TSEN54: variants seen among roughly 807,000 people sequenced by gnomAD.
TSEN54 encodes tRNA-splicing endonuclease subunit Sen54.
Under a neutral mutation model 61.9 loss-of-function variants are expected in TSEN54, and 55 were observed. That is an observed-to-expected ratio of 0.89 (90% CI 0.72 to 1.11). The LOEUF (loss-of-function observed/expected upper bound fraction) is 1.11. Ranked by LOEUF, TSEN54 falls within the 50% of genes most tolerant of loss-of-function variation. The pLI, the probability that TSEN54 is intolerant of heterozygous loss-of-function variation, is 0.00. For synonymous variants in TSEN54, 304 were observed against 288.7 expected (o/e 1.05, Z -0.54); for missense variants, 760 against 687.7 (o/e 1.11, Z -1.18).
Position 75,516,598 on chromosome 17 carries a change from C to T in TSEN54, c.38C>T (p.Pro13Leu). Residue 13 changes from proline (P) to leucine (L), a missense_variant, in exon 1 of 11, where the codon CCC becomes CTC. Transcript: ENST00000333213. ...CCCGAGCCCGCGGCCGTGGAGGTTC[C>T]CGCGGGGCGCGTGCTCAGGTGCGGC... Reference protein sequence around the residue: ...PEPEPAAVEVPAGRVLSAREL... With the variant: ...PEPEPAAVEVLAGRVLSAREL... 2.6e-6 allele frequency: 3 copies of T among 1,169,446 alleles called. No homozygotes were observed. The highest frequency in any genetic ancestry group is 3.2e-6 in the Non-Finnish European group (3 of 949,068). The allele number at this position is 1,169,446 out of a possible 1,614,324, so 72.4% of individuals were successfully genotyped here.
At position 75,516,548 on chromosome 17, in the gene TSEN54, AGGC is replaced by A. The variant is rs1167332384; in HGVS notation, c.-4_-2del. The stretch of plus-strand genomic sequence containing the variant: ...GGGGCGTGGCGGCGCGCGCAGCGGC[AGGC>A]GGCGGCGGGATGGAGCCCGAGCCCG... On this transcript the variant is annotated 5_prime_UTR_variant, in exon 1 of 11. Coordinates refer to ENST00000333213, the MANE Select transcript of TSEN54 (RefSeq NM_207346.3). 4 of 1,121,926 alleles carry A rather than the reference AGGC, an allele frequency of 3.6e-6. No individual in the cohort carries two copies. The highest frequency in any genetic ancestry group is 5.1e-5 in the East Asian group (1 of 19,658). 69.5% of individuals were successfully genotyped at this position (1,121,926 alleles called of 1,614,324 possible). A position where few individuals can be genotyped will look rare whatever the true frequency, so the allele number is the denominator to read the frequency against.
chr17:75,517,502 C>A, intron 4 of TSEN54, 55 bp from the exon 5 acceptor site: 1 of 1,503,160 alleles, frequency 6.7e-7, no homozygotes, highest in Non-Finnish European at 9.3e-7. Context: ...TTGCCCCATT[C>A]CTCTGTGGCA....
intron 8 of TSEN54, chr17:75,523,036 G>A (rs868386367): frequency 1.1e-4 from 55 of 507,136 alleles, no homozygotes; most frequent in Middle Eastern, 5.2e-4. Context: ...AAAATTAGCC[G>A]GGTGTGGTGG....
At chr17:75,518,532 G>T (rs777350534) in intron 5 of TSEN54, 5 of 985,292 alleles carry the variant, frequency 5.1e-6, no homozygotes, top group Admixed American at 1.2e-4. Context: ...TCTTATCTAT[G>T]TTCCTCTGAT....
chr17:75,518,544 T>C (rs1352149884), intron 5 of TSEN54: 3 of 985,318 alleles, frequency 3.0e-6, no homozygotes, highest in East Asian at 1.1e-4. Context: ...TCCTCTGATA[T>C]GAATGCAGGG....
At chr17:75,518,074 A>T (rs1243064849) in intron 5 of TSEN54, among the ~76,000 whole-genome samples, 1 of 152,214 alleles carries the variant, frequency 6.6e-6, no homozygotes, top group Non-Finnish European at 1.5e-5. Flanking sequence ...GCACCAGTGG[A>T]TGAAGGTGCT....
chr17:75,524,675 T>A lies in TSEN54; in HGVS notation c.*263T>A. The stretch of plus-strand genomic sequence containing the variant: ...GGCAGAAGAGAGGACTGTGTGCCTT[T>A]AACGAGAGGGTGCCTGCTTCGTGCT... On this transcript the variant is annotated 3_prime_UTR_variant, in exon 11 of 11. Transcript: ENST00000333213. 1 of 571,170 alleles carries A rather than the reference T, an allele frequency of 1.8e-6. No homozygotes were observed. The highest frequency in any genetic ancestry group is 3.2e-6 in the Non-Finnish European group (1 of 317,136). 35.4% of individuals were successfully genotyped at this position (571,170 alleles called of 1,614,324 possible). A position where few individuals can be genotyped will look rare whatever the true frequency, so the allele number is the denominator to read the frequency against.
chr17:75,523,577 T>TG (rs2053455797), intron 9 of TSEN54, 86 bp from the exon 10 acceptor site: 1 of 1,613,468 alleles, frequency 6.2e-7, no homozygotes, highest in East Asian at 2.2e-5. Flanking sequence ...GGCTGCTTCC[T>TG]GGAACTGGTG....
In TSEN54 at chr17:75,521,501, C is replaced by T. The variant is rs1429860173; in HGVS notation, c.614C>T (p.Ser205Phe). The change falls in exon 7 of 11, where the codon TCC becomes TTC. Residue 205 changes from serine to phenylalanine, a missense_variant. Ser to Phe is a radical substitution (Grantham distance 155). This residue lies in a region of TSEN54 where 667 missense variants were observed against 577.8 expected (regional missense o/e 1.15). Coordinates refer to ENST00000333213, the MANE Select transcript of TSEN54 (RefSeq NM_207346.3). Reference protein sequence around the residue: ...DGDGKRKRSSSSPRSINKKAK... With the variant: ...DGDGKRKRSSFSPRSINKKAK... Reference sequence around the variant, plus strand: ...GATGGCAAGAGAAAGAGGAGCAGCTCCAGCCCTCGGTAACTCCCACATCAC... The same window carrying T: ...GATGGCAAGAGAAAGAGGAGCAGCTTCAGCCCTCGGTAACTCCCACATCAC... The T allele has an allele frequency of 3.1e-6, 5 of 1,613,938 alleles. No individual in the cohort carries two copies. The Admixed American group carries it at 6.7e-5, about 22-fold the overall frequency.
chr17:75,517,331 G>C, intron 4 of TSEN54, 87 bp downstream of exon 4: 1 of 1,463,834 alleles, frequency 6.8e-7, no homozygotes, highest in Admixed American at 2.0e-5. Flanking sequence ...CACACAACCC[G>C]GTCTTTAGAG....
At chr17:75,523,102 C>T in intron 8 of TSEN54, 173 bp from the exon 9 acceptor site, 1 of 777,780 alleles carries the variant, frequency 1.3e-6, no homozygotes, top group Non-Finnish European at 2.2e-6. Context: ...TTGCTTGAAC[C>T]TGGGAGGCAG....
At position 75,522,315 on chromosome 17, in the gene TSEN54, G is replaced by GCTC; in HGVS notation, c.1234_1235insCTC (p.Gly412delinsAlaArg). The GCTC allele has an allele frequency of 2.6e-6, 4 of 1,545,598 alleles. No homozygotes were observed. The highest frequency in any genetic ancestry group is 3.5e-6 in the Non-Finnish European group (4 of 1,146,820). On this transcript the variant is annotated protein_altering_variant, in exon 8 of 11. Coordinates refer to ENST00000333213, the MANE Select transcript of TSEN54 (RefSeq NM_207346.3). ...GCCCGTCACCCCGCTGCTGAGTCCT[G>GCTC]GCCAGGCCAGCTCCCCAGGTACCCC...
In TSEN54 at chr17:75,523,743, A is replaced by AC. The variant is rs797046055; in HGVS notation, c.1397dup (p.Gly467TrpfsTer10). ...GCTGTGGCCACATTCCGAAAGAATA[A>AC]CCCTGGCAAACCCTATGCCCGGATG... On this transcript the variant is annotated frameshift_variant, in exon 10 of 11. Transcript: ENST00000333213. LOFTEE classifies it high-confidence loss of function. 6.2e-7 allele frequency: 1 copy of AC among 1,614,058 alleles called. No individual in the cohort carries two copies. Among genetic ancestry groups the AC allele is most frequent in the Non-Finnish European group, 8.5e-7 (1 of 1,179,994 alleles).
chr17:75,519,483 GCAGAGAC>G (rs2053406109), intron 6 of TSEN54, among the ~76,000 whole-genome samples: 1 of 152,234 alleles, frequency 6.6e-6, no homozygotes, highest in Non-Finnish European at 1.5e-5. Flanking sequence ...TTGGTAAAAG[GCAGAGAC>G]CTTCAGACTT....
intron 10 of TSEN54, 78 bp downstream of exon 10, chr17:75,523,857 C>T (rs752802240): frequency 2.0e-5 from 30 of 1,491,932 alleles, no homozygotes; most frequent in Non-Finnish European, 2.7e-5. Context: ...CCTCTGTACT[C>T]CCCTGGCCAG....
chr17:75,520,579 C>CTA (rs1375860891), intron 6 of TSEN54, among the ~76,000 whole-genome samples: 1 of 94,888 alleles, frequency 1.1e-5, no homozygotes, highest in South Asian at 3.0e-4. Context: ...AAGCGAAACT[C>CTA]TATCTCAAAA....
chr17:75,517,467 A>G, intron 4 of TSEN54, 90 bp from the exon 5 acceptor site: 2 of 1,247,120 alleles, frequency 1.6e-6, no homozygotes, highest in Non-Finnish European at 2.4e-6. Context: ...TGAGAGGGGG[A>G]GGGGGAGGTA....
chr17:75,518,883 G>C, intron 5 of TSEN54, 112 bp from the exon 6 acceptor site: 1 of 1,595,212 alleles, frequency 6.3e-7, no homozygotes, highest in Non-Finnish European at 8.5e-7. Flanking sequence ...TTAGAATCTG[G>C]GGGTGTACAG....
chr17:75,516,950 A>C lies in TSEN54; in HGVS notation c.221+40A>C, dbSNP rs753697997. On this transcript the variant is annotated intron_variant, in intron 2 of 10. Coordinates refer to ENST00000333213, the MANE Select transcript of TSEN54 (RefSeq NM_207346.3). ...CCCAGGGGTAAGGGAAGCGGGGGCGAGGCGGGCCGCGGGGTCTCCGGAATG... is the reference window on the plus strand; with the variant it reads ...CCCAGGGGTAAGGGAAGCGGGGGCGCGGCGGGCCGCGGGGTCTCCGGAATG... 1.9e-5 allele frequency: 30 copies of C among 1,543,034 alleles called. No homozygotes were observed. In the South Asian group the frequency reaches 3.6e-4, roughly 18 times the overall value.
Sources: gnomAD v4.1 joint callset for allele counts (sites outside exome capture counted in the v4.1 genomes callset) on GRCh38, gnomAD v4.1.1 for gene constraint, gnomAD v4.1.1 regional missense constraint, MANE v1.5 for transcripts, NCBI Gene and HGNC (gene_info 2026-07-23, HGNC 2026-07-21) for gene names.